MLLT3: variants seen among roughly 807,000 people sequenced by gnomAD.
MLLT3 encodes the protein MLLT3 super elongation complex subunit.
MLLT3 carries 4 observed loss-of-function variants against 53.2 expected under a neutral mutation model. The ratio of observed to expected loss-of-function variants is 0.08; its 90% CI spans 0.04 to 0.17. The LOEUF is 0.17. Among genes scored for constraint, MLLT3 ranks in the 10% least tolerant of loss-of-function variants. The probability of loss-of-function intolerance (pLI) is 1.00; values close to 1 mark genes in which losing one functional copy is unlikely to be tolerated. For synonymous variants in MLLT3, 283 were observed against 230.6 expected, an observed-to-expected ratio of 1.23 and a Z score of -2.06; for missense variants, 569 against 684.0, an observed-to-expected ratio of 0.83 and a Z score of 1.87.
At chr9:20,346,914 T>C (rs13296370) in intron 10 of MLLT3, among the ~76,000 whole-genome samples, 9,772 of 152,020 alleles carry the variant, frequency 0.064, 480 homozygotes, top group Non-Finnish European at 0.099. Flanking sequence ...ACTGACTCAA[T>C]AGACAGTGAT....
At chr9:20,563,610 G>C (rs1819275877) in intron 2 of MLLT3, among the ~76,000 whole-genome samples, 1 of 151,960 alleles carries the variant, frequency 6.6e-6, no homozygotes, top group South Asian at 2.1e-4. Flanking sequence ...TTCCTGGATG[G>C]TGCTTTTAAT....
chr9:20,585,619 G>A (rs1478155415), intron 2 of MLLT3, among the ~76,000 whole-genome samples: 1 of 152,108 alleles, frequency 6.6e-6, no homozygotes, highest in Non-Finnish European at 1.5e-5. Flanking sequence ...GGTATGTAGT[G>A]GTATCATTGT....
At chr9:20,615,360 G>GAAAAA (rs10601830) in intron 2 of MLLT3, among the ~76,000 whole-genome samples, 58 of 48,776 alleles carry the variant, frequency 1.2e-3, no homozygotes, top group Admixed American at 5.3e-3. Flanking sequence ...CAGACCATGT[G>GAAAAA]AAAAAAAAAA....
At chr9:20,552,136 A>G (rs1818940449) in intron 2 of MLLT3, among the ~76,000 whole-genome samples, 1 of 152,198 alleles carries the variant, frequency 6.6e-6, no homozygotes, top group South Asian at 2.1e-4. Context: ...TCAGAAGCAT[A>G]TTGGCAGAGG....
chr9:20,441,399 A>G (rs1404568515), intron 4 of MLLT3, among the ~76,000 whole-genome samples: 3 of 152,148 alleles, frequency 2.0e-5, no homozygotes, highest in Non-Finnish European at 4.4e-5. Context: ...AATTTATGAG[A>G]TCGACATTAC....
intron 2 of MLLT3, among the ~76,000 whole-genome samples, chr9:20,520,365 A>T (rs1415935698): frequency 6.6e-6 from 1 of 152,184 alleles, no homozygotes; most frequent in Non-Finnish European, 1.5e-5. Flanking sequence ...ATTAAAAAAA[A>T]AAAGAATATC....
At chr9:20,461,212 T>C (rs1465881749) in intron 2 of MLLT3, among the ~76,000 whole-genome samples, 1 of 152,164 alleles carries the variant, frequency 6.6e-6, no homozygotes, top group African/African-American at 2.4e-5. Flanking sequence ...TGTAATTGGG[T>C]TTAATTGCAT....
At position 20,559,261 on chromosome 9, in the gene MLLT3, C is replaced by T. The variant is rs1331661929; in HGVS notation, c.193+61393G>A. On this transcript the variant is annotated intron_variant, in intron 2 of 10. Coordinates refer to ENST00000380338, the MANE Select transcript of MLLT3 (RefSeq NM_004529.4). ...GTGTTCCTAAAGAGAGCAAAGGATA[C>T]TCCTTTGCAAAACATATGTATGAGT... 3.3e-5 allele frequency among the ~76,000 whole-genome samples: 5 copies of T among 152,168 alleles called. No homozygotes were observed. In the South Asian group the frequency reaches 6.2e-4, roughly 19 times the overall value.
chr9:20,351,058 C>T (rs535416194), intron 10 of MLLT3, among the ~76,000 whole-genome samples: 2 of 152,274 alleles, frequency 1.3e-5, no homozygotes, highest in African/African-American at 4.8e-5. Context: ...AAAATGTGTG[C>T]CCTACCCTTG....
At chr9:20,502,103 G>T in intron 2 of MLLT3, among the ~76,000 whole-genome samples, 1 of 144,812 alleles carries the variant, frequency 6.9e-6, no homozygotes, top group East Asian at 2.3e-4. Flanking sequence ...AGGGGGGGGG[G>T]GGGACTACCT....
Position 20,343,983 on chromosome 9 carries a change from A to C in MLLT3, c.*2460T>G, listed in dbSNP as rs1820804038. The C allele has an allele frequency of 4.9e-6, 1 of 202,998 alleles. No individual in the cohort carries two copies. The highest frequency in any genetic ancestry group is 1.0e-5 in the Non-Finnish European group (1 of 99,094). The allele number at this position is 202,998 out of a possible 1,614,324, so 12.6% of individuals were successfully genotyped here. A position where few individuals can be genotyped will look rare whatever the true frequency, so the allele number is the denominator to read the frequency against. On this transcript the variant is annotated 3_prime_UTR_variant, in exon 11 of 11. Transcript: ENST00000380338. ...TTACCACTTCAAAAAAAATAACGTA[A>C]CTCTCAGTCTTAATTTTGTGAAAAA...
rs534287865 is a variant in MLLT3, at chr9:20,434,365, G to A, written c.420+13758C>T. Among the ~76,000 whole-genome samples, 321 of 152,282 alleles carry A rather than the reference G, an allele frequency of 2.1e-3. 3 individuals carry two copies. Among genetic ancestry groups the A allele is most frequent in the African/African-American group, 7.5e-3 (311 of 41,566 alleles). On this transcript the variant is annotated intron_variant, in intron 4 of 10. Transcript: ENST00000380338. ...AAGAAAAGTTTTTTGTACCATACTT[G>A]TATTACAAGTGTAAATGTGAGATTA...
intron 2 of MLLT3, among the ~76,000 whole-genome samples, chr9:20,470,442 C>T (rs924987434): frequency 3.3e-5 from 5 of 151,886 alleles, no homozygotes; most frequent in African/African-American, 9.7e-5. Flanking sequence ...TTAATTTTCC[C>T]TCCTAAATAG....
chr9:20,537,394 T>C (rs1229687469), intron 2 of MLLT3, among the ~76,000 whole-genome samples: 2 of 152,174 alleles, frequency 1.3e-5, no homozygotes, highest in African/African-American at 4.8e-5. Context: ...TACAAGAAAA[T>C]ATATTTTAGA....
chr9:20,501,623 C>A (rs1475555472), intron 2 of MLLT3, among the ~76,000 whole-genome samples: 5 of 152,086 alleles, frequency 3.3e-5, no homozygotes, highest in South Asian at 4.2e-4. Context: ...CGGTGGCGGG[C>A]GCCTGCAGTC....
chr9:20,489,004 TG>T (rs894783717), intron 2 of MLLT3, among the ~76,000 whole-genome samples: 5 of 152,134 alleles, frequency 3.3e-5, no homozygotes, highest in African/African-American at 1.2e-4. Flanking sequence ...TCTGTCTTCT[TG>T]GGGGGAAGAT....
intron 5 of MLLT3, among the ~76,000 whole-genome samples, chr9:20,377,466 AT>A (rs1404676513): frequency 5.9e-5 from 9 of 152,318 alleles, no homozygotes. Context: ...TATAAAGTAA[AT>A]TAAATAGAAT....
At chr9:20,411,869 T>C (rs541587842) in intron 5 of MLLT3, 10 of 152,340 alleles carry the variant, frequency 6.6e-5, no homozygotes, top group African/African-American at 1.9e-4. Flanking sequence ...AATGATGCTT[T>C]ATGAACGCCA....
At chr9:20,397,633 G>A (rs1438474213) in intron 5 of MLLT3, among the ~76,000 whole-genome samples, 8 of 152,082 alleles carry the variant, frequency 5.3e-5, no homozygotes, top group Non-Finnish European at 8.8e-5. Flanking sequence ...ATTTACCTAA[G>A]TTTTAGGGTG....
Sources: allele counts gnomAD v4.1 joint callset (sites outside exome capture counted in the v4.1 genomes callset), GRCh38; gene constraint gnomAD v4.1.1; transcripts MANE v1.5; gene names NCBI Gene and HGNC (gene_info 2026-07-23, HGNC 2026-07-21).